Variants in RNF167 observed in about 807,000 individuals in gnomAD.
RNF167 encodes the protein ring finger protein 167.
Under a neutral mutation model 34.8 loss-of-function variants are expected in RNF167, and 19 were observed. That is an observed-to-expected ratio of 0.55 (90% CI 0.38 to 0.80). RNF167 has a LOEUF of 0.80. RNF167 is among the 30% of genes least tolerant of loss of function. The pLI is 0.00. For missense variants in RNF167, 464 were observed against 447.0 expected (o/e 1.04, Z -0.34); for synonymous variants, 200 against 170.4 (o/e 1.17, Z -1.35).
At position 4,943,081 on chromosome 17, in the gene RNF167, C is replaced by T. The variant is rs985314683; in HGVS notation, c.471-98C>T. 14 of 1,302,342 alleles carry T rather than the reference C, an allele frequency of 1.1e-5. No individual in the cohort carries two copies. In the African/African-American group the frequency reaches 1.8e-4, roughly 16 times the overall value. The allele number at this position is 1,302,342 out of a possible 1,614,324, so 80.7% of individuals were successfully genotyped here. On this transcript the variant is annotated intron_variant, in intron 6 of 9. Coordinates refer to ENST00000262482, the MANE Select transcript of RNF167 (RefSeq NM_015528.3). Reference sequence around the variant, plus strand: ...TCTTTGACTTTCTTCCCATTCCTGTCCCCACCTATGGGCTTTGTCCAGAGC... The same window carrying T: ...TCTTTGACTTTCTTCCCATTCCTGTTCCCACCTATGGGCTTTGTCCAGAGC...
chr17:4,941,572 C>T (rs1185907482), intron 3 of RNF167, among the ~76,000 whole-genome samples: 1 of 152,146 alleles, frequency 6.6e-6, no homozygotes, highest in Non-Finnish European at 1.5e-5. Flanking sequence ...AGTAGATACG[C>T]AATTTTGGTA....
In RNF167 at chr17:4,943,426, A is replaced by C. The variant is rs1295993899; in HGVS notation, c.577A>C (p.Ile193Leu). ...GTCCATCCACCCCCGCTTCCCCCAG[A>C]TAGCTCGTTGTATCCAGCACCGGAA... ...LLVLAMGAVMIARCIQHRKRL... is the reference protein window; with the variant it reads ...LLVLAMGAVMLARCIQHRKRL... The change falls in exon 8 of 10, where the codon ATA becomes CTA. Residue 193 changes from isoleucine to leucine, a missense_variant and splice_region_variant. Transcript: ENST00000262482. 1 of 1,613,578 alleles carries C rather than the reference A, an allele frequency of 6.2e-7. No individual in the cohort carries two copies. Among genetic ancestry groups the C allele is most frequent in the Non-Finnish European group, 8.5e-7 (1 of 1,179,846 alleles).
rs541827342 is a variant in RNF167, at chr17:4,945,137, T to C, written c.*121T>C. The C allele has an allele frequency of 8.7e-5, 79 of 910,626 alleles. No individual in the cohort carries two copies. In the African/African-American group the frequency reaches 1.1e-3, roughly 13 times the overall value. 56.4% of individuals were successfully genotyped at this position (910,626 alleles called of 1,614,324 possible). ...TCTCCCTTACCCACACCTATCCTTT[T>C]GAGGGGCTTTGGGGTGGAGCTGGGG... On this transcript the variant is annotated 3_prime_UTR_variant, in exon 10 of 10. Transcript: ENST00000262482.
In RNF167 at chr17:4,942,596, C is replaced by T; in HGVS notation, c.311C>T (p.Ala104Val). ...FDLKVLNAQK[A>V]GYGAAVVHNV... is the part of the protein sequence containing the mutation. Reference sequence around the variant, plus strand: ...CCCTAGGTCCTAAATGCCCAGAAGGCTGGATATGGTGCCGCTGTAGTACAC... The same window carrying T: ...CCCTAGGTCCTAAATGCCCAGAAGGTTGGATATGGTGCCGCTGTAGTACAC... Residue 104 changes from alanine to valine, a missense_variant, in exon 5 of 10, where the codon GCT becomes GTT. By Grantham distance (64) the Ala-to-Val change is moderately conservative (BLOSUM62 0). Transcript: ENST00000262482. The T allele has an allele frequency of 6.2e-7, 1 of 1,614,184 alleles. No homozygotes were observed. Among genetic ancestry groups the T allele is most frequent in the Non-Finnish European group, 8.5e-7 (1 of 1,180,036 alleles).
At position 4,944,770 on chromosome 17, in the gene RNF167, C is replaced by T; in HGVS notation, c.807C>T (p.Pro269=). ...TCACTCAGACCCGGAAGACCTGCCC[C>T]ATTTGCAAGCAGCCTGTTCATCGGG... ...PWLTQTRKTC[P]ICKQPVHRGP... Residue 269 remains proline (P), a synonymous_variant, in exon 10 of 10, where the codon CCC becomes CCT. Coordinates refer to ENST00000262482, the MANE Select transcript of RNF167 (RefSeq NM_015528.3). The T allele has an allele frequency of 6.2e-7, 1 of 1,612,894 alleles. No homozygotes were observed. Among genetic ancestry groups the T allele is most frequent in the South Asian group, 1.1e-5 (1 of 90,968 alleles).
rs1315677019 is a variant in RNF167, at chr17:4,941,087, ACAATG to A, written c.97_101del (p.Asn33GlnfsTer61). On this transcript the variant is annotated frameshift_variant, in exon 3 of 10. Coordinates refer to ENST00000262482, the MANE Select transcript of RNF167 (RefSeq NM_015528.3). LOFTEE classifies it high-confidence loss of function. ...CTTTTTTGTCCGCAGACCTCGGACC[ACAATG>A]CCAGCATGGACTTTGCAGACCTTCC... The A allele has an allele frequency of 3.1e-6, 5 of 1,614,134 alleles. No homozygotes were observed. The highest frequency in any genetic ancestry group is 3.4e-6 in the Non-Finnish European group (4 of 1,180,050).
intron 5 of RNF167, 87 bp from the exon 6 acceptor site, chr17:4,942,764 G>A (rs1179946180): frequency 7.6e-6 from 12 of 1,581,430 alleles, no homozygotes; most frequent in Non-Finnish European, 1.0e-5. Context: ...TTTAGGTGGG[G>A]TGGGGCCAAA....
chr17:4,943,041 C>G (rs116120736), intron 6 of RNF167, 100 bp downstream of exon 6: 2 of 1,313,550 alleles, frequency 1.5e-6, no homozygotes, highest in Non-Finnish European at 2.2e-6. Flanking sequence ...AGCCTCCTGT[C>G]CTTCCTTCCC....
At chr17:4,941,751 T>C (rs549882860) in intron 3 of RNF167, among the ~76,000 whole-genome samples, 1 of 152,198 alleles carries the variant, frequency 6.6e-6, no homozygotes, top group East Asian at 1.9e-4. Flanking sequence ...ACCCTATCTC[T>C]ACTAAAATGG....
rs1387214217 is a variant in RNF167 at position 4,943,726 on chromosome 17, G to A, written c.670+207G>A. Among the ~76,000 whole-genome samples, 4 of 152,334 alleles carry A rather than the reference G, an allele frequency of 2.6e-5. No individual in the cohort carries two copies. In the East Asian group the frequency reaches 5.8e-4, roughly 22 times the overall value. On this transcript the variant is annotated intron_variant, in intron 8 of 9. Coordinates refer to ENST00000262482, the MANE Select transcript of RNF167 (RefSeq NM_015528.3). ...AGTTTGAGACCAGCCTGGGTGACATGATAAAACAGAAAAGTCCCAGCACTT... is the reference window on the plus strand; with the variant it reads ...AGTTTGAGACCAGCCTGGGTGACATAATAAAACAGAAAAGTCCCAGCACTT...
In RNF167 at chr17:4,940,530, C is replaced by T. The variant is rs932734378; in HGVS notation, c.-380C>T. On this transcript the variant is annotated 5_prime_UTR_variant, in exon 2 of 10. Coordinates refer to ENST00000262482, the MANE Select transcript of RNF167 (RefSeq NM_015528.3). ...TCAAGCATCCAATGCTGAAAGCGGCCTGATTTTCTCTACCGGAAGCCCTTT... is the reference window on the plus strand; with the variant it reads ...TCAAGCATCCAATGCTGAAAGCGGCTTGATTTTCTCTACCGGAAGCCCTTT... The T allele has an allele frequency of 1.5e-5, 3 of 201,822 alleles. No individual in the cohort carries two copies. The highest frequency in any genetic ancestry group is 3.0e-5 in the Non-Finnish European group (3 of 100,654). The allele number at this position is 201,822 out of a possible 1,614,324, so 12.5% of individuals were successfully genotyped here.
chr17:4,943,306 A>C, intron 7 of RNF167, 22 bp downstream of exon 7: 1 of 1,608,614 alleles, frequency 6.2e-7, no homozygotes. Context: ...AGGGAACATG[A>C]TGGGAAGCAC....
chr17:4,941,093 C>A lies in RNF167; in HGVS notation c.101C>A (p.Ala34Asp). The A allele has an allele frequency of 6.2e-7, 1 of 1,614,220 alleles. No individual in the cohort carries two copies. Among genetic ancestry groups the A allele is most frequent in the Non-Finnish European group, 8.5e-7 (1 of 1,180,018 alleles). ...TGTCCGCAGACCTCGGACCACAATG[C>A]CAGCATGGACTTTGCAGACCTTCCA... ...GLIRATSDHN[A>D]SMDFADLPAL... Residue 34 changes from alanine to aspartate, a missense_variant, in exon 3 of 10, where the codon GCC becomes GAC. Ala to Asp is a moderately radical substitution (Grantham distance 126). Transcript: ENST00000262482.
chr17:4,945,074 C>T lies in RNF167; in HGVS notation c.*58C>T. On this transcript the variant is annotated 3_prime_UTR_variant, in exon 10 of 10. Coordinates refer to ENST00000262482, the MANE Select transcript of RNF167 (RefSeq NM_015528.3). ...TTTGCACAGACCGTCGTCTTCCCTC[C>T]AGTCTTCTGAGGGATAGGGGACATT... is the stretch of plus-strand genomic sequence containing the variant. The T allele has an allele frequency of 1.4e-6, 2 of 1,394,068 alleles. No individual in the cohort carries two copies. The highest frequency in any genetic ancestry group is 1.9e-6 in the Non-Finnish European group (2 of 1,029,662). The allele number at this position is 1,394,068 out of a possible 1,614,324, so 86.4% of individuals were successfully genotyped here.
intron 8 of RNF167, 125 bp from the exon 9 acceptor site, chr17:4,944,433 G>A (rs1230916396): frequency 1.4e-6 from 2 of 1,461,590 alleles, no homozygotes; most frequent in East Asian, 2.5e-5. Context: ...ACCTTATCCT[G>A]CCTACCTGTC....
chr17:4,945,046 C>T lies in RNF167; in HGVS notation c.*30C>T. 6.7e-7 allele frequency: 1 copy of T among 1,495,970 alleles called. No homozygotes were observed. The highest frequency in any genetic ancestry group is 8.9e-7 in the Non-Finnish European group (1 of 1,117,452). The allele number at this position is 1,495,970 out of a possible 1,614,324, so 92.7% of individuals were successfully genotyped here. A position where few individuals can be genotyped will look rare whatever the true frequency, so the allele number is the denominator to read the frequency against. The stretch of plus-strand genomic sequence containing the variant: ...CCCCCACACATACACCTCTGGTGAC[C>T]TATTTGCACAGACCGTCGTCTTCCC... On this transcript the variant is annotated 3_prime_UTR_variant, in exon 10 of 10. Transcript: ENST00000262482.
intron 6 of RNF167, 116 bp downstream of exon 6, chr17:4,943,057 CTT>C (rs1970988111): frequency 6.9e-6 from 9 of 1,295,008 alleles, no homozygotes; most frequent in Non-Finnish European, 1.0e-5. Flanking sequence ...TTCCCTGCCT[CTT>C]TGACTTTCTT....
At chr17:4,943,958 C>CTCCA (rs1232890104) in intron 8 of RNF167, among the ~76,000 whole-genome samples, 10 of 152,110 alleles carry the variant, frequency 6.6e-5, no homozygotes, top group African/African-American at 1.4e-4. Flanking sequence ...CACCACTGTG[C>CTCCA]TCCAGCCTGG....
chr17:4,942,139 T>C (rs1275326342), intron 3 of RNF167, among the ~76,000 whole-genome samples: 3 of 152,116 alleles, frequency 2.0e-5, no homozygotes, highest in African/African-American at 4.8e-5. Flanking sequence ...TGGGAGAGTT[T>C]GGTGAAGGGA....
Sources: gnomAD v4.1 joint callset for allele counts (sites outside exome capture counted in the v4.1 genomes callset) on GRCh38, gnomAD v4.1.1 for gene constraint, MANE v1.5 for transcripts, NCBI Gene and HGNC (gene_info 2026-07-23, HGNC 2026-07-21) for gene names.